Variants in MCPH1 observed in about 807,000 individuals in gnomAD.
MCPH1 encodes the protein microcephalin 1, also known as microcephalin.
In MCPH1, 104 loss-of-function variants were observed where a neutral mutation model predicts 84.5. That is an observed-to-expected ratio of 1.23 (90% confidence interval 1.05 to 1.45). The LOEUF (loss-of-function observed/expected upper bound fraction) is 1.45. MCPH1 is among the 40% of genes most tolerant of loss of function. The pLI, the probability that MCPH1 is intolerant of heterozygous loss-of-function variation, is 0.00. For missense variants in MCPH1, 1,498 were observed against 1,005.7 expected, an observed-to-expected ratio of 1.49 and a Z score of -6.62; for synonymous variants, 514 against 366.8, an observed-to-expected ratio of 1.40 and a Z score of -4.58.
chr8:6,475,557 G>A (rs545001651), intron 9 of MCPH1, among the ~76,000 whole-genome samples: 2 of 152,322 alleles, frequency 1.3e-5, no homozygotes, highest in Admixed American at 6.5e-5. Flanking sequence ...ACACCAACAC[G>A]ATAGGAAATA....
intron 4 of MCPH1, 82 bp from the exon 5 acceptor site, chr8:6,435,966 T>C: frequency 2.0e-6 from 3 of 1,530,876 alleles, no homozygotes; most frequent in Non-Finnish European, 2.7e-6. Context: ...ATAAAAGGTA[T>C]CAGAAATGTA....
chr8:6,429,745 C>T (rs1255881451), intron 3 of MCPH1, among the ~76,000 whole-genome samples: 1 of 151,910 alleles, frequency 6.6e-6, no homozygotes, highest in African/African-American at 2.4e-5. Context: ...TTCCCCCTCC[C>T]CATCTTAGTC....
chr8:6,424,047 T>G (rs1261391904), intron 3 of MCPH1, among the ~76,000 whole-genome samples: 2 of 152,312 alleles, frequency 1.3e-5, no homozygotes, highest in Admixed American at 6.5e-5. Flanking sequence ...GCTCATGGTT[T>G]CCACTGAAAA....
intron 12 of MCPH1, among the ~76,000 whole-genome samples, chr8:6,578,124 C>G (rs1293481414): frequency 6.6e-6 from 1 of 152,168 alleles, no homozygotes. Flanking sequence ...GGCATTGTTT[C>G]CCAGACACTC....
In MCPH1 at chr8:6,555,939, T is replaced by C. The variant is rs532295281; in HGVS notation, c.2214+56010T>C. 4.4e-4 allele frequency among the ~76,000 whole-genome samples: 67 copies of C among 152,296 alleles called. No individual in the cohort carries two copies. In the Middle Eastern group the frequency reaches 0.01, roughly 23 times the overall value. ...CAGCACCATCCTCACATAGAAGGGC[T>C]GGCATCTCACCTATCTAGAGGTGAG... On this transcript the variant is annotated intron_variant, in intron 12 of 13. Transcript: ENST00000344683.
intron 9 of MCPH1, among the ~76,000 whole-genome samples, chr8:6,457,105 C>T (rs1417066023): frequency 6.6e-6 from 1 of 152,176 alleles, no homozygotes; most frequent in African/African-American, 2.4e-5. Flanking sequence ...TCCATATCTG[C>T]CTTCAACTGC....
chr8:6,513,457 C>CGAGT (rs1399007256), intron 12 of MCPH1, among the ~76,000 whole-genome samples: 1 of 151,762 alleles, frequency 6.6e-6, no homozygotes, highest in Non-Finnish European at 1.5e-5. Flanking sequence ...CTCAGCCTCC[C>CGAGT]GAGTAGCTGG....
At chr8:6,612,345 A>T (rs1024842083) in intron 12 of MCPH1, among the ~76,000 whole-genome samples, 1 of 151,802 alleles carries the variant, frequency 6.6e-6, no homozygotes, top group Non-Finnish European at 1.5e-5. Flanking sequence ...CAGCCAGCCC[A>T]CTTCCCGGGC....
intron 12 of MCPH1, among the ~76,000 whole-genome samples, chr8:6,550,344 CGTGGGGCTGTTGCACACACCCCCGACT>C (rs1277391540): frequency 1.3e-5 from 2 of 152,164 alleles, no homozygotes; most frequent in Non-Finnish European, 2.9e-5. Context: ...GGCAGTGTGG[CGTGGGGCTGTTGCACACACCCCCGACT>C]GTAGGGCTGC....
intron 12 of MCPH1, chr8:6,508,877 C>T (rs2129565821): frequency 1.9e-6 from 3 of 1,612,600 alleles, no homozygotes; most frequent in Non-Finnish European, 2.5e-6. Context: ...CAGCCTTTCC[C>T]TCTATGAAAT....
intron 11 of MCPH1, 151 bp downstream of exon 11, chr8:6,481,027 G>A: frequency 2.0e-6 from 2 of 989,438 alleles, no homozygotes; most frequent in Non-Finnish European, 1.5e-6. Context: ...CTTTCCTCCT[G>A]TTGGTCTCCC....
intron 13 of MCPH1, among the ~76,000 whole-genome samples, chr8:6,627,729 A>G (rs1035319070): frequency 6.6e-6 from 1 of 152,072 alleles, no homozygotes; most frequent in Non-Finnish European, 1.5e-5. Flanking sequence ...CGTCTGTACA[A>G]AAAAGTACAA....
chr8:6,503,340 G>T, intron 12 of MCPH1: 1 of 1,496,338 alleles, frequency 6.7e-7, no homozygotes, highest in Non-Finnish European at 9.2e-7. Context: ...ACTCAGCTAA[G>T]GCAGGAGGCA....
chr8:6,423,062 C>G (rs1262933385), intron 3 of MCPH1, among the ~76,000 whole-genome samples: 1 of 151,556 alleles, frequency 6.6e-6, no homozygotes, highest in East Asian at 1.9e-4. Context: ...CTCAGGTGAT[C>G]CGCCCACCTT....
chr8:6,557,597 T>C (rs779944581), intron 12 of MCPH1, among the ~76,000 whole-genome samples: 2 of 152,116 alleles, frequency 1.3e-5, no homozygotes, highest in Non-Finnish European at 2.9e-5. Flanking sequence ...TAGAGTCGAC[T>C]GTATCAGTTG....
chr8:6,464,655 G>A (rs1199692652), intron 9 of MCPH1, among the ~76,000 whole-genome samples: 1 of 152,188 alleles, frequency 6.6e-6, no homozygotes, highest in African/African-American at 2.4e-5. Context: ...TTCCCACTGG[G>A]AGACCCACAG....
chr8:6,459,094 A>C (rs906007979), intron 9 of MCPH1, among the ~76,000 whole-genome samples: 1 of 152,256 alleles, frequency 6.6e-6, no homozygotes, highest in Non-Finnish European at 1.5e-5. Context: ...ATACAGTGGA[A>C]TTGTGGAAGG....
At chr8:6,533,273 C>G (rs927146878) in intron 12 of MCPH1, among the ~76,000 whole-genome samples, 2 of 152,212 alleles carry the variant, frequency 1.3e-5, no homozygotes, top group Admixed American at 1.3e-4. Context: ...AAGGAAGAAG[C>G]TCATTTCACT....
chr8:6,622,068 C>T (rs1340161010), intron 13 of MCPH1: 5 of 359,078 alleles, frequency 1.4e-5, no homozygotes, highest in East Asian at 7.9e-5. Flanking sequence ...TCCCTGGCAG[C>T]GCCCGGCACT....
Sources: allele counts gnomAD v4.1 joint callset (sites outside exome capture counted in the v4.1 genomes callset), GRCh38; gene constraint gnomAD v4.1.1; transcripts MANE v1.5; gene names NCBI Gene and HGNC (gene_info 2026-07-23, HGNC 2026-07-21).